Variants in KMT2C observed in about 807,000 individuals in gnomAD.
KMT2C encodes the protein histone-lysine N-methyltransferase 2C.
A neutral mutation model predicts 507.9 loss-of-function variants in KMT2C; 88 were observed. The ratio of observed to expected loss-of-function variants is 0.17; its 90% CI spans 0.15 to 0.21. The LOEUF is 0.21. Among genes scored for constraint, KMT2C ranks in the 10% least tolerant of loss-of-function variants. The pLI is 1.00. For missense variants in KMT2C, 4,954 were observed against 5,957.8 expected, an observed-to-expected ratio of 0.83 and a Z score of 5.55; for synonymous variants, 2,049 against 2,080.8, an observed-to-expected ratio of 0.98 and a Z score of 0.42.
chr7:152,352,295 G>C (rs1033951649), intron 2 of KMT2C, among the ~76,000 whole-genome samples: 1 of 152,128 alleles, frequency 6.6e-6, no homozygotes, highest in African/African-American at 2.4e-5. Context: ...ACTGTCTCCT[G>C]ATAAGATGTT....
At chr7:152,363,420 T>A (rs1195633809) in intron 1 of KMT2C, among the ~76,000 whole-genome samples, 1 of 152,192 alleles carries the variant, frequency 6.6e-6, no homozygotes, top group Non-Finnish European at 1.5e-5. Flanking sequence ...CCAACTTGAG[T>A]TCCTAAAGTA....
At chr7:152,284,257 A>C (rs2096263619) in intron 6 of KMT2C, among the ~76,000 whole-genome samples, 1 of 152,128 alleles carries the variant, frequency 6.6e-6, no homozygotes, top group Admixed American at 6.5e-5. Flanking sequence ...GTAAAAGGAG[A>C]GACAAATAAG....
intron 25 of KMT2C, among the ~76,000 whole-genome samples, chr7:152,204,702 T>C (rs941275262): frequency 1.3e-5 from 2 of 152,098 alleles, no homozygotes; most frequent in East Asian, 1.9e-4. Flanking sequence ...TCAAATTATA[T>C]GATAAGTAGC....
chr7:152,208,804 G>A (rs2094376459), intron 23 of KMT2C, among the ~76,000 whole-genome samples: 1 of 152,056 alleles, frequency 6.6e-6, no homozygotes, highest in African/African-American at 2.4e-5. Context: ...ATTATATTTG[G>A]TCTATATTTG....
rs2129155466 is a variant in KMT2C at position 152,235,842 on chromosome 7, C to T, written c.2744G>A (p.Gly915Glu). 1 of 1,609,148 alleles carries T rather than the reference C, an allele frequency of 6.2e-7. No homozygotes were observed. Among genetic ancestry groups the T allele is most frequent in the Non-Finnish European group, 8.5e-7 (1 of 1,177,266 alleles). ...CCCAGGTAATACAACAGCTCCGATT[C>T]CACTTTTCAGCTTTGACCTGCCTCG... Reference protein sequence around the residue: ...GGRGRSKLKSGIGAVVLPGVS... With the variant: ...GGRGRSKLKSEIGAVVLPGVS... Residue 915 changes from glycine to glutamate, a missense_variant, in exon 16 of 59, where the codon GGA becomes GAA. Transcript: ENST00000262189.
intron 6 of KMT2C, among the ~76,000 whole-genome samples, chr7:152,290,240 G>GTA (rs2096389922): frequency 9.9e-6 from 1 of 100,852 alleles, no homozygotes; most frequent in African/African-American, 4.7e-5. Context: ...GTGTGTGTGT[G>GTA]TGTGTGTGTG....
chr7:152,214,419 T>C (rs2094523675), intron 23 of KMT2C, among the ~76,000 whole-genome samples: 1 of 152,190 alleles, frequency 6.6e-6, no homozygotes, highest in Non-Finnish European at 1.5e-5. Flanking sequence ...CTTAATGTCA[T>C]CAATAGGTTC....
intron 1 of KMT2C, among the ~76,000 whole-genome samples, chr7:152,416,283 C>T (rs1339354190): frequency 1.1e-4 from 16 of 152,232 alleles, no homozygotes; most frequent in African/African-American, 3.1e-4. Flanking sequence ...CGATGGCTCA[C>T]ACCTGTAATC....
intron 40 of KMT2C, among the ~76,000 whole-genome samples, chr7:152,170,365 A>C (rs1399794795): frequency 6.6e-6 from 1 of 152,180 alleles, no homozygotes; most frequent in Non-Finnish European, 1.5e-5. Flanking sequence ...CTTTATAAAA[A>C]AAAAATCACT....
chr7:152,273,783 C>A lies in KMT2C; in HGVS notation c.934G>T (p.Ala312Ser). ...CTQMYHYPCA[A>S]GAGTFQDFSH... ...AAATCCTGAAAGGTGCCGGCTCCTG[C>A]AGCACAAGGATAATGATACATCTGG... is the stretch of plus-strand genomic sequence containing the variant. The change falls in exon 7 of 59, where the codon GCA (alanine) becomes TCA (serine). Residue 312 changes from alanine (A) to serine (S), a missense_variant. Transcript: ENST00000262189. 6.2e-7 allele frequency: 1 copy of A among 1,614,124 alleles called. No individual in the cohort carries two copies. The highest frequency in any genetic ancestry group is 8.5e-7 in the Non-Finnish European group (1 of 1,179,952).
At chr7:152,234,814 G>C (rs1489035113) in intron 16 of KMT2C, among the ~76,000 whole-genome samples, 1 of 151,970 alleles carries the variant, frequency 6.6e-6, no homozygotes, top group Non-Finnish European at 1.5e-5. Flanking sequence ...GAGGTGGGAG[G>C]TCGAAGCTAG....
chr7:152,183,636 C>G (rs2093508663), intron 34 of KMT2C, among the ~76,000 whole-genome samples: 1 of 152,156 alleles, frequency 6.6e-6, no homozygotes, highest in Admixed American at 6.5e-5. Flanking sequence ...GTGGCTCACA[C>G]CTGTAATCCC....
At chr7:152,413,237 C>T (rs2097700197) in intron 1 of KMT2C, among the ~76,000 whole-genome samples, 1 of 152,142 alleles carries the variant, frequency 6.6e-6, no homozygotes, top group South Asian at 2.1e-4. Context: ...ACCTCAGCCT[C>T]CCGAGTAGCT....
rs149373512 is a variant in KMT2C at position 152,177,496 on chromosome 7, G to A, written c.7957C>T (p.Leu2653=). ...SMVMRTLNHP[L]GGEFSEAPLS... is the part of the protein sequence containing the mutation. ...GGAGCTTCTGAAAATTCACCACCTA[G>A]TGGATGGTTCAGAGTCCTCATGACC... is the stretch of plus-strand genomic sequence containing the variant. Residue 2653 remains leucine (L), a synonymous_variant, in exon 38 of 59, where the codon CTA becomes TTA. Coordinates refer to ENST00000262189, the MANE Select transcript of KMT2C (RefSeq NM_170606.3). The A allele has an allele frequency of 6.2e-7, 1 of 1,614,192 alleles. No homozygotes were observed. Among genetic ancestry groups the A allele is most frequent in the Non-Finnish European group, 8.5e-7 (1 of 1,180,032 alleles).
chr7:152,247,004 T>C (rs200865989), intron 14 of KMT2C, among the ~76,000 whole-genome samples: 8 of 152,264 alleles, frequency 5.3e-5, no homozygotes, highest in African/African-American at 1.9e-4. Context: ...TTAAAATCAA[T>C]ATATTATTCC....
chr7:152,345,291 T>C (rs1563935585), intron 2 of KMT2C, among the ~76,000 whole-genome samples: 1 of 151,836 alleles, frequency 6.6e-6, no homozygotes, highest in Non-Finnish European at 1.5e-5. Flanking sequence ...GCACCAGTAG[T>C]CCCAGCTACT....
intron 55 of KMT2C, among the ~76,000 whole-genome samples, chr7:152,143,736 C>G (rs959311777): frequency 6.6e-6 from 1 of 152,220 alleles, no homozygotes; most frequent in Non-Finnish European, 1.5e-5. Flanking sequence ...AGGTGTAGTT[C>G]TGTGAAATGT....
intron 14 of KMT2C, among the ~76,000 whole-genome samples, chr7:152,241,116 C>T (rs1410243144): frequency 6.6e-6 from 1 of 152,170 alleles, no homozygotes; most frequent in Non-Finnish European, 1.5e-5. Context: ...TTCAAACATG[C>T]CAAGCTCTTT....
At chr7:152,251,074 G>T (rs913411619) in intron 11 of KMT2C, 108 bp from the exon 12 acceptor site, 2 of 625,804 alleles carry the variant, frequency 3.2e-6, no homozygotes, top group Non-Finnish European at 2.8e-6. Context: ...CACCAAAAAT[G>T]CTTTAAGTTT....
Sources: allele counts gnomAD v4.1 joint callset (sites outside exome capture counted in the v4.1 genomes callset), GRCh38; gene constraint gnomAD v4.1.1; transcripts MANE v1.5; gene names NCBI Gene and HGNC (gene_info 2026-07-23, HGNC 2026-07-21).